Variants in VTA1 observed in about 807,000 individuals in gnomAD.
VTA1 encodes vesicle trafficking 1.
VTA1 carries 24 observed loss-of-function variants against 36.9 expected under a neutral mutation model. That is an observed-to-expected ratio of 0.65 (90% confidence interval 0.47 to 0.91). The LOEUF (loss-of-function observed/expected upper bound fraction) is 0.91, where lower values mean the gene tolerates loss of function less well. VTA1 is among the 40% of genes least tolerant of loss of function. VTA1 has a pLI of 0.00. For synonymous variants in VTA1, 142 were observed against 130.2 expected, an observed-to-expected ratio of 1.09 and a Z score of -0.62; for missense variants, 393 against 377.2, an observed-to-expected ratio of 1.04 and a Z score of -0.35.
At chr6:142,171,138 A>C (rs984717466) in intron 4 of VTA1, among the ~76,000 whole-genome samples, 7 of 151,904 alleles carry the variant, frequency 4.6e-5, no homozygotes, top group African/African-American at 1.7e-4. Context: ...CTTGTTGCCC[A>C]GGCTGGAGTG....
At chr6:142,156,468 G>A (rs111592459) in intron 1 of VTA1, among the ~76,000 whole-genome samples, 3 of 152,188 alleles carry the variant, frequency 2.0e-5, no homozygotes, top group South Asian at 2.1e-4. Flanking sequence ...TAATGAAGCC[G>A]GAAAATATTT....
intron 1 of VTA1, among the ~76,000 whole-genome samples, chr6:142,165,650 A>G (rs1003099604): frequency 2.6e-5 from 4 of 152,194 alleles, no homozygotes; most frequent in Non-Finnish European, 1.5e-5. Context: ...TACCACTAGA[A>G]CTGTTCACAG....
intron 6 of VTA1, among the ~76,000 whole-genome samples, chr6:142,202,517 T>A (rs751058412): frequency 6.6e-6 from 1 of 152,014 alleles, no homozygotes; most frequent in Non-Finnish European, 1.5e-5. Context: ...GACAGATTTA[T>A]ACGTATTAAT....
chr6:142,178,248 T>A (rs888269216), intron 4 of VTA1, among the ~76,000 whole-genome samples: 3 of 152,024 alleles, frequency 2.0e-5, no homozygotes, highest in African/African-American at 4.8e-5. Flanking sequence ...TCTCATTTTT[T>A]AAAAAATTGG....
At chr6:142,164,540 AAC>A (rs1249413346) in intron 1 of VTA1, among the ~76,000 whole-genome samples, 1 of 152,220 alleles carries the variant, frequency 6.6e-6, no homozygotes, top group Non-Finnish European at 1.5e-5. Context: ...TAAAATTAAA[AAC>A]ACACAGATAT....
At chr6:142,149,306 A>G (rs910314789) in intron 1 of VTA1, among the ~76,000 whole-genome samples, 5 of 152,178 alleles carry the variant, frequency 3.3e-5, no homozygotes, top group Non-Finnish European at 5.9e-5. Flanking sequence ...ACACTTAACA[A>G]TTTTAGTTAT....
chr6:142,159,478 GTATTATTAT>G (rs199893577), intron 1 of VTA1, among the ~76,000 whole-genome samples: 13,335 of 134,748 alleles, frequency 0.099, 750 homozygotes, highest in Admixed American at 0.17. Flanking sequence ...TTCATTTCAG[GTATTATTAT>G]TATTATTATT....
At chr6:142,166,441 T>C in intron 2 of VTA1, 119 bp downstream of exon 2, 1 of 648,288 alleles carries the variant, frequency 1.5e-6, no homozygotes, top group Non-Finnish European at 2.6e-6. Flanking sequence ...AAAGCCATTA[T>C]ACCTGAGGAA....
chr6:142,177,380 T>G (rs1014601835), intron 4 of VTA1, among the ~76,000 whole-genome samples: 3 of 152,204 alleles, frequency 2.0e-5, no homozygotes, highest in Non-Finnish European at 2.9e-5. Flanking sequence ...TGTTTCAACA[T>G]ACGTAAGATG....
chr6:142,165,794 G>A (rs1369535933), intron 1 of VTA1, among the ~76,000 whole-genome samples: 1 of 152,022 alleles, frequency 6.6e-6, no homozygotes, highest in Non-Finnish European at 1.5e-5. Flanking sequence ...AATTACTATA[G>A]CAATTCTTTC....
intron 4 of VTA1, among the ~76,000 whole-genome samples, chr6:142,172,331 A>C (rs1775043871): frequency 6.6e-6 from 1 of 152,174 alleles, no homozygotes; most frequent in African/African-American, 2.4e-5. Flanking sequence ...TTGTAATGTG[A>C]CTGTCCCTTT....
At chr6:142,175,214 C>T (rs1012117812) in intron 4 of VTA1, among the ~76,000 whole-genome samples, 1 of 151,856 alleles carries the variant, frequency 6.6e-6, no homozygotes, top group Non-Finnish European at 1.5e-5. Context: ...GCTTTTTTTC[C>T]CTGCAGTTCG....
chr6:142,181,832 T>C (rs914960188), intron 4 of VTA1, among the ~76,000 whole-genome samples: 1 of 152,208 alleles, frequency 6.6e-6, no homozygotes, highest in African/African-American at 2.4e-5. Context: ...TTTTAAAAAC[T>C]TGTTTGCTGA....
chr6:142,152,014 C>G (rs1039352582), intron 1 of VTA1, among the ~76,000 whole-genome samples: 14 of 151,880 alleles, frequency 9.2e-5, no homozygotes, highest in African/African-American at 3.4e-4. Flanking sequence ...ACCTGGGGAA[C>G]AGGAGCAAGA....
intron 1 of VTA1, among the ~76,000 whole-genome samples, chr6:142,150,451 A>G (rs1778546589): frequency 6.6e-6 from 1 of 152,140 alleles, no homozygotes; most frequent in South Asian, 2.1e-4. Context: ...ATCTTTTCCT[A>G]CATCCTGTTC....
chr6:142,186,686 T>C (rs1775345198), intron 4 of VTA1, among the ~76,000 whole-genome samples: 1 of 152,102 alleles, frequency 6.6e-6, no homozygotes, highest in African/African-American at 2.4e-5. Context: ...GTTTTAATTT[T>C]AATTGTATGT....
chr6:142,178,228 A>G (rs750334377), intron 4 of VTA1, among the ~76,000 whole-genome samples: 3 of 152,130 alleles, frequency 2.0e-5, no homozygotes, highest in Non-Finnish European at 2.9e-5. Flanking sequence ...GTTGTGAGGG[A>G]TAGCTGACTT....
intron 7 of VTA1, among the ~76,000 whole-genome samples, chr6:142,218,085 T>A (rs1389530057): frequency 6.6e-6 from 1 of 152,176 alleles, no homozygotes; most frequent in African/African-American, 2.4e-5. Context: ...CCTGGTTTTC[T>A]TTACATAAAG....
At chr6:142,189,079 A>G (rs1244777496) in intron 4 of VTA1, among the ~76,000 whole-genome samples, 2 of 151,968 alleles carry the variant, frequency 1.3e-5, no homozygotes, top group African/African-American at 4.8e-5. Flanking sequence ...TGTTATTTTT[A>G]TATTTAGTCT....
Sources: allele counts gnomAD v4.1 joint callset (sites outside exome capture counted in the v4.1 genomes callset), GRCh38; gene constraint gnomAD v4.1.1; transcripts MANE v1.5; gene names NCBI Gene and HGNC (gene_info 2026-07-23, HGNC 2026-07-21).